The following COL26A1 variants were observed in gnomAD, a reference collection of about 807,000 sequenced individuals.
The protein encoded by COL26A1 is collagen alpha-1(XXVI) chain.
A neutral mutation model predicts 59.3 loss-of-function variants in COL26A1; 41 were observed. The observed-to-expected ratio is 0.69, with a 90% CI of 0.54 to 0.90. The LOEUF (loss-of-function observed/expected upper bound fraction) is 0.90, where lower values mean the gene tolerates loss of function less well. Ranked by LOEUF, COL26A1 falls within the 40% of genes least tolerant of loss-of-function variation. COL26A1 has a pLI of 0.00. For missense variants in COL26A1, 612 were observed against 602.3 expected (o/e 1.02, Z -0.17); for synonymous variants, 266 against 256.0 (o/e 1.04, Z -0.37).
intron 1 of COL26A1, among the ~76,000 whole-genome samples, chr7:101,404,434 TC>T (rs151236251): frequency 0.017 from 2,608 of 151,162 alleles, 67 homozygotes; most frequent in African/African-American, 0.06. Flanking sequence ...CCATTTACCC[TC>T]CCCCCCCAAA....
intron 11 of COL26A1, among the ~76,000 whole-genome samples, chr7:101,554,024 C>T (rs1795915906): frequency 6.6e-6 from 1 of 151,820 alleles, no homozygotes; most frequent in Non-Finnish European, 1.5e-5. Flanking sequence ...AAGTCAAATT[C>T]CTCCCCTCAG....
intron 3 of COL26A1, among the ~76,000 whole-genome samples, chr7:101,520,488 A>G (rs1584481956): frequency 6.6e-6 from 1 of 152,254 alleles, no homozygotes; most frequent in East Asian, 1.9e-4. Flanking sequence ...AGACGCGACC[A>G]CCCTGGGCAA....
At chr7:101,530,693 A>G (rs1795347432) in intron 3 of COL26A1, among the ~76,000 whole-genome samples, 1 of 151,492 alleles carries the variant, frequency 6.6e-6, no homozygotes, top group African/African-American at 2.4e-5. Context: ...GATGTTCCCA[A>G]ATGTCAGCGT....
chr7:101,402,470 A>T (rs1375507778), intron 1 of COL26A1, among the ~76,000 whole-genome samples: 1 of 151,890 alleles, frequency 6.6e-6, no homozygotes, highest in Admixed American at 6.6e-5. Flanking sequence ...CTCACCTGTA[A>T]AAAGGGGGTT....
chr7:101,375,479 T>TGAGACCAGGAGTTC (rs1303086840), intron 1 of COL26A1, among the ~76,000 whole-genome samples: 2 of 151,674 alleles, frequency 1.3e-5, no homozygotes, highest in African/African-American at 2.4e-5. Context: ...GAGGATCACT[T>TGAGACCAGGAGTTC]GAGACCAGGA....
At chr7:101,478,013 C>T (rs12111657) in intron 3 of COL26A1, among the ~76,000 whole-genome samples, 50,766 of 152,024 alleles carry the variant, frequency 0.33, 8,872 homozygotes, top group Middle Eastern at 0.4. Context: ...GACGGAGTCT[C>T]GCTCTGTTGC....
chr7:101,506,982 T>A (rs1459454231), intron 3 of COL26A1, among the ~76,000 whole-genome samples: 10 of 151,822 alleles, frequency 6.6e-5, no homozygotes, highest in African/African-American at 2.4e-4. Context: ...TGATGTGATC[T>A]CGGCTCACCG....
intron 3 of COL26A1, among the ~76,000 whole-genome samples, chr7:101,483,990 A>AGTGTGTGTGTGTGTGTGTGTGT (rs55863250): frequency 3.0e-4 from 39 of 128,004 alleles, no homozygotes; most frequent in African/African-American, 9.2e-4. Flanking sequence ...AACTTTTTAA[A>AGTGTGTGTGTGTGTGTGTGTGT]GTGTGTGTGT....
intron 3 of COL26A1, among the ~76,000 whole-genome samples, chr7:101,477,266 G>C (rs1392103465): frequency 6.6e-6 from 1 of 152,176 alleles, no homozygotes; most frequent in Admixed American, 6.6e-5. Flanking sequence ...GTAAGGTATT[G>C]TGTGTCTGCG....
rs1554404085 is a variant in COL26A1, at chr7:101,387,778, A to ATTT, written c.158+24595_158+24597dup. Among the ~76,000 whole-genome samples, 182 of 84,780 alleles carry ATTT rather than the reference A, an allele frequency of 2.1e-3. 3 individuals are homozygous for ATTT. The highest frequency in any genetic ancestry group is 8.2e-3 in the African/African-American group (165 of 20,098). The allele number at this position is 84,780 out of a possible 152,430, so 55.6% of individuals were successfully genotyped here. ...TTTATATATATATATATATATATAT[A>ATTT]TTTTTTTTTAAGACAGAGTCTCACT... On this transcript the variant is annotated intron_variant, in intron 1 of 12. Coordinates refer to ENST00000313669, the MANE Select transcript of COL26A1 (RefSeq NM_001278563.3).
At chr7:101,473,832 G>A (rs1793969488) in intron 3 of COL26A1, among the ~76,000 whole-genome samples, 1 of 150,504 alleles carries the variant, frequency 6.6e-6, no homozygotes, top group African/African-American at 2.4e-5. Context: ...GCAGCTGTGT[G>A]ACAGAGTGAA....
At chr7:101,414,689 G>A (rs760864381) in intron 1 of COL26A1, among the ~76,000 whole-genome samples, 12 of 152,156 alleles carry the variant, frequency 7.9e-5, no homozygotes, top group Middle Eastern at 3.4e-3. Flanking sequence ...CGCCCATCTC[G>A]GCCTCCCAAA....
chr7:101,384,747 A>G (rs868486938), intron 1 of COL26A1, among the ~76,000 whole-genome samples: 61 of 152,068 alleles, frequency 4.0e-4, no homozygotes, highest in African/African-American at 1.4e-3. Flanking sequence ...GATTAAGGAG[A>G]ATTGACTCAT....
chr7:101,419,193 A>G (rs1792451913), intron 1 of COL26A1, among the ~76,000 whole-genome samples: 1 of 148,904 alleles, frequency 6.7e-6, no homozygotes, highest in African/African-American at 2.5e-5. Context: ...CATAGCCACT[A>G]TGATCCTGGG....
chr7:101,544,175 G>T (rs898875141), intron 6 of COL26A1, 79 bp downstream of exon 6: 6 of 1,112,426 alleles, frequency 5.4e-6, no homozygotes, highest in Non-Finnish European at 7.9e-6. Flanking sequence ...AACAGGCGAG[G>T]TGTCCCACGC....
intron 1 of COL26A1, among the ~76,000 whole-genome samples, chr7:101,413,340 G>A (rs1210477376): frequency 6.6e-6 from 1 of 152,074 alleles, no homozygotes; most frequent in Non-Finnish European, 1.5e-5. Context: ...CCAACATGGC[G>A]AAACCAGTCT....
chr7:101,475,993 T>A (rs1794037797), intron 3 of COL26A1, among the ~76,000 whole-genome samples: 1 of 150,424 alleles, frequency 6.6e-6, no homozygotes, highest in Admixed American at 6.6e-5. Context: ...TTCTTTCTTC[T>A]TTTCAGTATC....
chr7:101,457,409 A>G (rs1793497207), intron 3 of COL26A1, among the ~76,000 whole-genome samples: 1 of 152,200 alleles, frequency 6.6e-6, no homozygotes, highest in Non-Finnish European at 1.5e-5. Context: ...TCAGGCACCT[A>G]TAATTCTAAT....
At chr7:101,414,336 G>A (rs954565910) in intron 1 of COL26A1, among the ~76,000 whole-genome samples, 11 of 151,936 alleles carry the variant, frequency 7.2e-5, no homozygotes, top group African/African-American at 2.4e-4. Context: ...TAGAACCCTC[G>A]GGCGGATCTC....
Sources: gnomAD v4.1 joint callset for allele counts (sites outside exome capture counted in the v4.1 genomes callset) on GRCh38, gnomAD v4.1.1 for gene constraint, MANE v1.5 for transcripts, NCBI Gene and HGNC (gene_info 2026-07-23, HGNC 2026-07-21) for gene names.